ARID4A: variants seen among roughly 807,000 people sequenced by gnomAD.
ARID4A encodes AT-rich interaction domain 4A, also known as AT-rich interactive domain-containing protein 4A.
A neutral mutation model predicts 148.6 loss-of-function variants in ARID4A; 39 were observed. That is an observed-to-expected ratio of 0.26 (90% CI 0.20 to 0.34). The LOEUF (loss-of-function observed/expected upper bound fraction) is 0.34, where lower values mean the gene tolerates loss of function less well. ARID4A is among the 10% of genes least tolerant of loss of function. ARID4A has a pLI of 1.00. For missense variants in ARID4A, 1,265 were observed against 1,449.1 expected, an observed-to-expected ratio of 0.87 and a Z score of 2.06; for synonymous variants, 475 against 481.2, an observed-to-expected ratio of 0.99 and a Z score of 0.17.
chr14:58,332,006 C>T (rs901733864), intron 11 of ARID4A, among the ~76,000 whole-genome samples: 2 of 147,054 alleles, frequency 1.4e-5, no homozygotes, highest in African/African-American at 2.5e-5. Context: ...CCCCCCCCCC[C>T]CCAAAAAACC....
intron 11 of ARID4A, among the ~76,000 whole-genome samples, chr14:58,341,372 C>T (rs987082273): frequency 5.9e-5 from 9 of 152,220 alleles, no homozygotes; most frequent in Admixed American, 1.3e-4. Context: ...TTCATGCTTA[C>T]GCTGTTTGCC....
rs146881421 is a variant in ARID4A, at chr14:58,344,843, T to A, written c.979+76T>A. ...ATTCTAGGTATATGCATTGTTTTTGTTAGTATTGCAGATAAACAGTTTTGG... is the reference window on the plus strand; with the variant it reads ...ATTCTAGGTATATGCATTGTTTTTGATAGTATTGCAGATAAACAGTTTTGG... On this transcript the variant is annotated intron_variant, in intron 12 of 23. Transcript: ENST00000355431. The A allele has an allele frequency of 1.2e-4, 133 of 1,077,750 alleles. No individual in the cohort carries two copies. In the East Asian group the frequency reaches 2.7e-3, roughly 22 times the overall value. The allele number at this position is 1,077,750 out of a possible 1,614,324, so 66.8% of individuals were successfully genotyped here.
chr14:58,364,377 G>A lies in ARID4A; in HGVS notation c.2288G>A (p.Gly763Glu). The A allele has an allele frequency of 6.2e-7, 1 of 1,602,948 alleles. No individual in the cohort carries two copies. Among genetic ancestry groups the A allele is most frequent in the Non-Finnish European group, 8.5e-7 (1 of 1,177,374 alleles). Residue 763 changes from glycine (G) to glutamate (E), a missense_variant, in exon 20 of 24, where the codon GGA becomes GAA. Coordinates refer to ENST00000355431, the MANE Select transcript of ARID4A (RefSeq NM_002892.4). Reference protein sequence around the residue: ...QPLETLKLEVGENEQIVQIFG... With the variant: ...QPLETLKLEVEENEQIVQIFG... Reference sequence around the variant, plus strand: ...TTAGAAACCCTGAAGTTAGAAGTTGGAGAGAATGAACAAATAGTACAGATT... The same window carrying A: ...TTAGAAACCCTGAAGTTAGAAGTTGAAGAGAATGAACAAATAGTACAGATT...
rs553620046 is a variant in ARID4A, at chr14:58,319,135, C to T, written c.449+330C>T. Among the ~76,000 whole-genome samples the T allele has an allele frequency of 2.2e-4, 33 of 152,342 alleles. No individual in the cohort carries two copies. In the South Asian group the frequency reaches 4.3e-3, roughly 20 times the overall value. On this transcript the variant is annotated intron_variant, in intron 7 of 23. Coordinates refer to ENST00000355431, the MANE Select transcript of ARID4A (RefSeq NM_002892.4). ...AGTGCAGTGGTGCAATCTCGGCTCA[C>T]TGCAACCTCCGCCTCCTGGGTTCAA...
chr14:58,348,639 A>C (rs1160546862), intron 15 of ARID4A, among the ~76,000 whole-genome samples: 1 of 152,190 alleles, frequency 6.6e-6, no homozygotes, highest in African/African-American at 2.4e-5. Context: ...AAATTTTAGA[A>C]AGAGAAAGGA....
intron 11 of ARID4A, among the ~76,000 whole-genome samples, chr14:58,332,335 A>G (rs1356230078): frequency 6.6e-6 from 1 of 152,162 alleles, no homozygotes; most frequent in Non-Finnish European, 1.5e-5. Flanking sequence ...ATCTACTGGA[A>G]AATAACAGCA....
chr14:58,368,131 T>TG (rs944693474), intron 23 of ARID4A, among the ~76,000 whole-genome samples: 3 of 152,120 alleles, frequency 2.0e-5, no homozygotes, highest in African/African-American at 2.4e-5. Context: ...CCTGTAGACT[T>TG]GGGGGCACCA....
chr14:58,339,149 T>C lies in ARID4A; in HGVS notation c.907-5546T>C, dbSNP rs559237714. Among the ~76,000 whole-genome samples the C allele has an allele frequency of 2.3e-3, 340 of 149,414 alleles. 2 individuals carry two copies. Among genetic ancestry groups the C allele is most frequent in the African/African-American group, 7.5e-3 (307 of 40,826 alleles). ...CCATGCCCGGCTAATTTATTATTATTTTTTTTTTATAGAGACAAAGTTTCG... is the reference window on the plus strand; with the variant it reads ...CCATGCCCGGCTAATTTATTATTATCTTTTTTTTATAGAGACAAAGTTTCG... On this transcript the variant is annotated intron_variant, in intron 11 of 23. Coordinates refer to ENST00000355431, the MANE Select transcript of ARID4A (RefSeq NM_002892.4).
At position 58,372,111 on chromosome 14, in the gene ARID4A, T is replaced by C; in HGVS notation, c.*122T>C. 1 of 680,946 alleles carries C rather than the reference T, an allele frequency of 1.5e-6. No individual in the cohort carries two copies. Among genetic ancestry groups the C allele is most frequent in the Non-Finnish European group, 2.5e-6 (1 of 393,938 alleles). The allele number at this position is 680,946 out of a possible 1,614,324, so 42.2% of individuals were successfully genotyped here. A position where few individuals can be genotyped will look rare whatever the true frequency, so the allele number is the denominator to read the frequency against. On this transcript the variant is annotated 3_prime_UTR_variant, in exon 24 of 24. Coordinates refer to ENST00000355431, the MANE Select transcript of ARID4A (RefSeq NM_002892.4). ...TTGCTAAGTATATCCTGTATACTTTTCCAGGCTGGATTGTATCTATTCCCC... is the reference window on the plus strand; with the variant it reads ...TTGCTAAGTATATCCTGTATACTTTCCCAGGCTGGATTGTATCTATTCCCC...
chr14:58,305,861 A>G (rs1250714712), intron 4 of ARID4A, among the ~76,000 whole-genome samples, 161 bp from the exon 5 acceptor site: 1 of 152,238 alleles, frequency 6.6e-6, no homozygotes, highest in Non-Finnish European at 1.5e-5. Flanking sequence ...AAATTGCATA[A>G]TAAATAGATA....
At chr14:58,313,827 C>T (rs1012637709) in intron 5 of ARID4A, among the ~76,000 whole-genome samples, 6 of 152,134 alleles carry the variant, frequency 3.9e-5, no homozygotes, top group African/African-American at 1.2e-4. Flanking sequence ...AGAAGAGTGT[C>T]CCAGCTCCAG....
intron 5 of ARID4A, among the ~76,000 whole-genome samples, chr14:58,317,123 G>A (rs1283166291): frequency 6.8e-6 from 1 of 146,932 alleles, no homozygotes; most frequent in East Asian, 2.1e-4. Flanking sequence ...AACCCGGGAG[G>A]CGGAGCTTGC....
intron 11 of ARID4A, among the ~76,000 whole-genome samples, chr14:58,334,874 A>G (rs533141198): frequency 3.4e-4 from 52 of 152,166 alleles, no homozygotes; most frequent in African/African-American, 1.2e-3. Flanking sequence ...CAGCCTTCTG[A>G]CAACCCCTCC....
chr14:58,364,016 T>C (rs2035244139), intron 19 of ARID4A, among the ~76,000 whole-genome samples, 154 bp from the exon 20 acceptor site: 1 of 152,170 alleles, frequency 6.6e-6, no homozygotes, highest in South Asian at 2.1e-4. Context: ...TTGGCACAAA[T>C]GTTATGATTT....
chr14:58,367,307 TCAAA>T (rs1200582292), intron 23 of ARID4A, among the ~76,000 whole-genome samples: 1 of 152,242 alleles, frequency 6.6e-6, no homozygotes, highest in African/African-American at 2.4e-5. Context: ...CACTCTTTGC[TCAAA>T]CATTTATTGG....
chr14:58,359,099 T>C (rs759769549), intron 17 of ARID4A, 33 bp from the exon 18 acceptor site: 70 of 1,540,098 alleles, frequency 4.5e-5, no homozygotes, highest in Non-Finnish European at 6.0e-5. Context: ...ATAAAGTTTG[T>C]ACAAACTCTT....
At chr14:58,313,627 C>G (rs2032204484) in intron 5 of ARID4A, among the ~76,000 whole-genome samples, 1 of 152,140 alleles carries the variant, frequency 6.6e-6, no homozygotes, top group African/African-American at 2.4e-5. Flanking sequence ...GACAGGTTCT[C>G]TGTAAGCTGG....
At chr14:58,359,548 TATC>T (rs1258868868) in intron 18 of ARID4A, among the ~76,000 whole-genome samples, 1 of 152,184 alleles carries the variant, frequency 6.6e-6, no homozygotes, top group Non-Finnish European at 1.5e-5. Flanking sequence ...ATCACTATAG[TATC>T]ATACAGAGTA....
At chr14:58,309,593 T>TGTCAGTA in intron 5 of ARID4A, among the ~76,000 whole-genome samples, 1 of 152,352 alleles carries the variant, frequency 6.6e-6, no homozygotes, top group South Asian at 2.1e-4. Flanking sequence ...TAAATACAAC[T>TGTCAGTA]GTCAGTAAGA....
Sources: allele counts gnomAD v4.1 joint callset (sites outside exome capture counted in the v4.1 genomes callset), GRCh38; gene constraint gnomAD v4.1.1; transcripts MANE v1.5; gene names NCBI Gene and HGNC (gene_info 2026-07-23, HGNC 2026-07-21).